The following SPPL2A variants were observed in gnomAD, a reference collection of about 807,000 sequenced individuals.
SPPL2A encodes signal peptide peptidase-like 2A.
In SPPL2A, 51 loss-of-function variants were observed where a neutral mutation model predicts 63.8. The observed-to-expected ratio is 0.80, with a 90% CI of 0.64 to 1.01. The LOEUF is 1.01. Among genes scored for constraint, SPPL2A ranks in the 50% least tolerant of loss-of-function variants. The pLI is 0.00. For missense variants in SPPL2A, 553 were observed against 622.7 expected (o/e 0.89, Z 1.19); for synonymous variants, 188 against 205.8 (o/e 0.91, Z 0.74).
chr15:50,753,839 C>G (rs2062930374), intron 1 of SPPL2A, among the ~76,000 whole-genome samples: 2 of 152,094 alleles, frequency 1.3e-5, no homozygotes, highest in Admixed American at 6.6e-5. Flanking sequence ...CTCTAAAGCC[C>G]AGGCTGGAGT....
intron 11 of SPPL2A, chr15:50,726,049 A>G (rs1290319243): frequency 1.4e-6 from 2 of 1,395,454 alleles, no homozygotes; most frequent in Non-Finnish European, 1.9e-6. Flanking sequence ...AGTCCAATGA[A>G]CATATCTAAA....
In SPPL2A at chr15:50,749,715, G is replaced by C; in HGVS notation, c.98C>G (p.Ser33Cys). The C allele has an allele frequency of 6.2e-7, 1 of 1,613,602 alleles. No individual in the cohort carries two copies. Among genetic ancestry groups the C allele is most frequent in the Non-Finnish European group, 8.5e-7 (1 of 1,179,514 alleles). Residue 33 changes from serine (S) to cysteine (C), a missense_variant, in exon 2 of 15, where the codon TCT becomes TGT. Physicochemically the swap from Ser to Cys is moderately radical, Grantham distance 112. Coordinates refer to ENST00000261854, the MANE Select transcript of SPPL2A (RefSeq NM_032802.4). The part of the protein sequence containing the change: ...TAAQEAILHA[S>C]GNGTTKDYCM... ...GTAGTCCTTGGTTGTGCCATTTCCA[G>C]ACGCATGCAAGATTGCTTCCTGAGC... is the stretch of plus-strand genomic sequence containing the variant.
chr15:50,739,117 C>T (rs1271196489), intron 6 of SPPL2A, among the ~76,000 whole-genome samples: 2 of 147,114 alleles, frequency 1.4e-5, no homozygotes, highest in African/African-American at 5.0e-5. Flanking sequence ...GGGACCATGG[C>T]AATTATTTCA....
intron 14 of SPPL2A, among the ~76,000 whole-genome samples, chr15:50,717,048 T>A (rs1248836350): frequency 6.6e-6 from 1 of 152,214 alleles, no homozygotes; most frequent in African/African-American, 2.4e-5. Flanking sequence ...TGAACTCTAC[T>A]TCTTTTCCTC....
intron 9 of SPPL2A, among the ~76,000 whole-genome samples, chr15:50,731,908 A>C (rs2062733924): frequency 7.7e-6 from 1 of 130,498 alleles, no homozygotes; most frequent in African/African-American, 3.0e-5. Flanking sequence ...AGCCTGGGAG[A>C]CTGAATGAGA....
In SPPL2A at chr15:50,704,811, A is replaced by G. The variant is rs1005269511; in HGVS notation, c.*2989T>C. 2 of 152,346 alleles carry G rather than the reference A, an allele frequency of 1.3e-5. No individual in the cohort carries two copies. Among genetic ancestry groups the G allele is most frequent in the East Asian group, 3.9e-4 (2 of 5,194 alleles). 9.4% of individuals were successfully genotyped at this position (152,346 alleles called of 1,614,324 possible). On this transcript the variant is annotated 3_prime_UTR_variant, in exon 15 of 15. Transcript: ENST00000261854. ...TATAAAGTTGACATTGAGGATGAAGAAACTTAATTATACTTTTTCTTATTT... is the reference window on the plus strand; with the variant it reads ...TATAAAGTTGACATTGAGGATGAAGGAACTTAATTATACTTTTTCTTATTT...
At chr15:50,756,204 CA>C (rs1390521503) in intron 1 of SPPL2A, among the ~76,000 whole-genome samples, 2 of 151,274 alleles carry the variant, frequency 1.3e-5, no homozygotes, top group Non-Finnish European at 2.9e-5. Context: ...ACTAAAAATA[CA>C]AAAAAATTAG....
intron 5 of SPPL2A, among the ~76,000 whole-genome samples, chr15:50,744,137 C>T (rs549215920): frequency 4.0e-5 from 6 of 151,266 alleles, no homozygotes; most frequent in Admixed American, 1.3e-4. Flanking sequence ...CAAGATTGCA[C>T]CACTGCACTG....
intron 9 of SPPL2A, among the ~76,000 whole-genome samples, chr15:50,732,351 TAGCTAGCAAATC>T (rs1206075898): frequency 1.3e-5 from 2 of 152,100 alleles, no homozygotes; most frequent in Admixed American, 1.3e-4. Flanking sequence ...AACAATAGTT[TAGCTAGCAAATC>T]AGTGGTTGTC....
chr15:50,732,514 G>A, intron 9 of SPPL2A, 89 bp downstream of exon 9: 1 of 722,246 alleles, frequency 1.4e-6, no homozygotes, highest in South Asian at 1.9e-5. Context: ...GCCAAAAATT[G>A]GCGCATTTAA....
intron 1 of SPPL2A, among the ~76,000 whole-genome samples, chr15:50,762,367 C>CAAAAAAAA (rs5812527): frequency 5.2e-5 from 6 of 115,836 alleles, no homozygotes; most frequent in African/African-American, 1.8e-4. Flanking sequence ...GACTCCATCT[C>CAAAAAAAA]AAAAAAAAAA....
At position 50,733,463 on chromosome 15, in the gene SPPL2A, T is replaced by C. The variant is rs183703998; in HGVS notation, c.933-779A>G. Among the ~76,000 whole-genome samples the C allele has an allele frequency of 9.2e-5, 14 of 152,322 alleles. No homozygotes were observed. In the East Asian group the frequency reaches 2.7e-3, roughly 29 times the overall value. Reference sequence around the variant, plus strand: ...CTTGCATAAAAGACAGCATACTCTATATATTTTTTTGCACTTTGCTTTTTT... The same window carrying C: ...CTTGCATAAAAGACAGCATACTCTACATATTTTTTTGCACTTTGCTTTTTT... On this transcript the variant is annotated intron_variant, in intron 8 of 14. Transcript: ENST00000261854.
At chr15:50,731,142 A>G in intron 9 of SPPL2A, 103 bp from the exon 10 acceptor site, 1 of 558,616 alleles carries the variant, frequency 1.8e-6, no homozygotes, top group East Asian at 3.3e-5. Flanking sequence ...ATACATTTAA[A>G]TATTACTTTT....
intron 5 of SPPL2A, chr15:50,746,853 A>C (rs980067385): frequency 2.6e-5 from 4 of 152,326 alleles, no homozygotes; most frequent in African/African-American, 9.7e-5. Flanking sequence ...TTTTTCGTAG[A>C]GACAGGGTTT....
intron 5 of SPPL2A, among the ~76,000 whole-genome samples, chr15:50,745,663 T>C (rs2062852099): frequency 6.7e-6 from 1 of 149,930 alleles, no homozygotes; most frequent in Non-Finnish European, 1.5e-5. Context: ...TCCTCTCACC[T>C]CCACCTCCTG....
intron 5 of SPPL2A, among the ~76,000 whole-genome samples, chr15:50,741,400 G>C (rs572763888): frequency 2.0e-4 from 30 of 151,188 alleles, no homozygotes; most frequent in African/African-American, 5.6e-4. Context: ...AAAAGAGGAG[G>C]GAGAGAGTTG....
intron 1 of SPPL2A, among the ~76,000 whole-genome samples, chr15:50,761,073 G>A (rs1002927737): frequency 6.6e-6 from 1 of 152,054 alleles, no homozygotes; most frequent in Non-Finnish European, 1.5e-5. Context: ...ACAGTGGCGT[G>A]ATCATAGCTA....
chr15:50,732,537 T>C (rs1475900924), intron 9 of SPPL2A, 66 bp downstream of exon 9: 3 of 960,412 alleles, frequency 3.1e-6, no homozygotes, highest in Admixed American at 5.0e-5. Flanking sequence ...GTAGGTAAAT[T>C]ATGCCTTAAT....
intron 8 of SPPL2A, among the ~76,000 whole-genome samples, chr15:50,734,150 T>C (rs2062751671): frequency 6.6e-6 from 1 of 152,174 alleles, no homozygotes; most frequent in African/African-American, 2.4e-5. Context: ...TGGATATACA[T>C]GCAAAAGAAA....
Sources: gnomAD v4.1 joint callset for allele counts (sites outside exome capture counted in the v4.1 genomes callset) on GRCh38, gnomAD v4.1.1 for gene constraint, MANE v1.5 for transcripts, NCBI Gene and HGNC (gene_info 2026-07-23, HGNC 2026-07-21) for gene names.